Variants in USP34 observed in about 807,000 individuals in gnomAD.
USP34 encodes the protein ubiquitin carboxyl-terminal hydrolase 34.
USP34 carries 70 observed loss-of-function variants against 460.3 expected under a neutral mutation model. The observed-to-expected ratio is 0.15, with a 90% CI of 0.13 to 0.19. USP34 has a LOEUF of 0.19. USP34 is among the 10% of genes least tolerant of loss of function. The probability of loss-of-function intolerance (pLI) is 1.00; values close to 1 mark genes in which losing one functional copy is unlikely to be tolerated. For missense variants in USP34, 3,985 were observed against 4,236.2 expected, an observed-to-expected ratio of 0.94 and a Z score of 1.65; for synonymous variants, 1,647 against 1,405.3, an observed-to-expected ratio of 1.17 and a Z score of -3.85.
At chr2:61,391,935 G>A (rs1207423704) in intron 5 of USP34, among the ~76,000 whole-genome samples, 1 of 152,170 alleles carries the variant, frequency 6.6e-6, no homozygotes, top group Middle Eastern at 3.4e-3. Flanking sequence ...AGATTATATA[G>A]TATTATAGTA....
At chr2:61,334,209 G>T (rs1691352094) in intron 18 of USP34, among the ~76,000 whole-genome samples, 1 of 151,904 alleles carries the variant, frequency 6.6e-6, no homozygotes, top group South Asian at 2.1e-4. Flanking sequence ...TAAATATCTG[G>T]GTAAAAAAGC....
At chr2:61,285,705 AC>A (rs1308206639) in intron 34 of USP34, among the ~76,000 whole-genome samples, 1 of 152,144 alleles carries the variant, frequency 6.6e-6, no homozygotes, top group East Asian at 1.9e-4. Flanking sequence ...ATTTAAAAAA[AC>A]ATCAAGTAGT....
intron 53 of USP34, 46 bp downstream of exon 53, chr2:61,241,514 A>C (rs572090058): frequency 3.8e-5 from 54 of 1,427,470 alleles, no homozygotes; most frequent in Non-Finnish European, 5.0e-5. Context: ...TTGCATAAAC[A>C]CTTAACATAT....
intron 75 of USP34, among the ~76,000 whole-genome samples, chr2:61,196,212 C>G (rs1190705571): frequency 1.3e-5 from 2 of 150,334 alleles, no homozygotes; most frequent in East Asian, 4.0e-4. Flanking sequence ...TCCCAAGTAG[C>G]TGGGACTACA....
At chr2:61,428,971 T>G (rs187364629) in intron 1 of USP34, among the ~76,000 whole-genome samples, 16 of 152,204 alleles carry the variant, frequency 1.1e-4, no homozygotes, top group Admixed American at 1.0e-3. Context: ...ATAATAACTT[T>G]ACTCACACTA....
chr2:61,208,305 G>C (rs900575192), intron 70 of USP34: 2 of 152,260 alleles, frequency 1.3e-5, no homozygotes, highest in African/African-American at 2.4e-5. Context: ...AGAGGAAGGA[G>C]AGGCCTTGCT....
intron 51 of USP34, among the ~76,000 whole-genome samples, chr2:61,244,186 G>T (rs547055105): frequency 6.6e-6 from 1 of 152,186 alleles, no homozygotes; most frequent in African/African-American, 2.4e-5. Context: ...GCTAATCTAT[G>T]AAACGGAAAT....
chr2:61,417,744 C>CTTTTTTTTTTTTTT (rs55680146), intron 2 of USP34, among the ~76,000 whole-genome samples: 1 of 87,938 alleles, frequency 1.1e-5, no homozygotes, highest in African/African-American at 4.5e-5. Flanking sequence ...TTTTTCTTTT[C>CTTTTTTTTTTTTTT]TTTTTTTTTT....
chr2:61,294,819 T>C (rs148528751), intron 32 of USP34, 130 bp downstream of exon 32: 44 of 782,860 alleles, frequency 5.6e-5, no homozygotes, highest in Middle Eastern at 3.8e-4. Flanking sequence ...AAGTAATACA[T>C]GATTTTTAAA....
At chr2:61,361,618 A>G (rs1203124572) in intron 10 of USP34, among the ~76,000 whole-genome samples, 2 of 133,366 alleles carry the variant, frequency 1.5e-5, no homozygotes, top group Non-Finnish European at 3.4e-5. Context: ...ATACAGAATG[A>G]AACTGGATCC....
chr2:61,400,035 T>G (rs905718022), intron 3 of USP34, among the ~76,000 whole-genome samples: 16 of 151,662 alleles, frequency 1.1e-4, no homozygotes, highest in Non-Finnish European at 2.4e-4. Flanking sequence ...TCCCATCCTA[T>G]TTATAGCAGA....
chr2:61,267,601 C>T (rs1444644369), intron 41 of USP34, among the ~76,000 whole-genome samples: 3 of 151,930 alleles, frequency 2.0e-5, no homozygotes, highest in Non-Finnish European at 4.4e-5. Flanking sequence ...TGCCACTACA[C>T]CCAGCTAATT....
chr2:61,272,155 T>C (rs2103935495), intron 41 of USP34, among the ~76,000 whole-genome samples: 1 of 152,318 alleles, frequency 6.6e-6, no homozygotes, highest in East Asian at 1.9e-4. Context: ...CTCACGCCTG[T>C]AATCCCAGCA....
At position 61,259,578 on chromosome 2, in the gene USP34, G is replaced by A. The variant is rs970083425; in HGVS notation, c.5844+133C>T. On this transcript the variant is annotated intron_variant, in intron 44 of 79. Transcript: ENST00000398571. ...TATTTTTTTTTTTAGTAGAGATGGGGTTTCACCATGTTGCCCAGGCTGGTC... is the reference window on the plus strand; with the variant it reads ...TATTTTTTTTTTTAGTAGAGATGGGATTTCACCATGTTGCCCAGGCTGGTC... The A allele has an allele frequency of 7.7e-6, 5 of 645,450 alleles. No homozygotes were observed. In the South Asian group the frequency reaches 1.1e-4, roughly 14 times the overall value. 40.0% of individuals were successfully genotyped at this position (645,450 alleles called of 1,614,324 possible). A position where few individuals can be genotyped will look rare whatever the true frequency, so the allele number is the denominator to read the frequency against.
intron 1 of USP34, among the ~76,000 whole-genome samples, chr2:61,466,611 T>G (rs993450966): frequency 6.6e-6 from 1 of 152,022 alleles, no homozygotes. Context: ...AACTAAAAAT[T>G]TTTTAAACAA....
intron 18 of USP34, 47 bp from the exon 19 acceptor site, chr2:61,334,018 A>C: frequency 7.3e-7 from 1 of 1,378,632 alleles, no homozygotes; most frequent in Non-Finnish European, 9.9e-7. Context: ...AATTCTTTTT[A>C]TAGAAATTCA....
intron 54 of USP34, 40 bp from the exon 55 acceptor site, chr2:61,236,276 ATTT>A (rs1171126105): frequency 6.3e-7 from 1 of 1,594,176 alleles, no homozygotes; most frequent in African/African-American, 1.4e-5. Context: ...CACACGTAAG[ATTT>A]TTTTAAAATG....
At chr2:61,345,884 G>A (rs985304643) in intron 15 of USP34, among the ~76,000 whole-genome samples, 1 of 152,086 alleles carries the variant, frequency 6.6e-6, no homozygotes, top group Admixed American at 6.5e-5. Flanking sequence ...CGATCCTCCT[G>A]CCTTAGCCTC....
At chr2:61,397,980 T>C (rs760809681) in intron 3 of USP34, among the ~76,000 whole-genome samples, 5 of 151,752 alleles carry the variant, frequency 3.3e-5, no homozygotes, top group Non-Finnish European at 7.4e-5. Context: ...GGCACAAGAA[T>C]CACTTGAACC....
Sources: gnomAD v4.1 joint callset for allele counts (sites outside exome capture counted in the v4.1 genomes callset) on GRCh38, gnomAD v4.1.1 for gene constraint, MANE v1.5 for transcripts, NCBI Gene and HGNC (gene_info 2026-07-23, HGNC 2026-07-21) for gene names.